ARMC2: variants seen among roughly 807,000 people sequenced by gnomAD.
The protein encoded by ARMC2 is armadillo repeat-containing protein 2.
Under a neutral mutation model 90.3 loss-of-function variants are expected in ARMC2, and 67 were observed. That is an observed-to-expected ratio of 0.74 (90% CI 0.61 to 0.91). The LOEUF is 0.91. Among genes scored for constraint, ARMC2 ranks in the 40% least tolerant of loss-of-function variants. The pLI is 0.00. For missense variants in ARMC2, 920 were observed against 1,030.9 expected, an observed-to-expected ratio of 0.89 and a Z score of 1.47; for synonymous variants, 393 against 393.0, an observed-to-expected ratio of 1.00 and a Z score of 0.00.
At chr6:108,957,027 A>G (rs1162926871) in intron 13 of ARMC2, among the ~76,000 whole-genome samples, 1 of 152,196 alleles carries the variant, frequency 6.6e-6, no homozygotes, top group Non-Finnish European at 1.5e-5. Context: ...CAGGTGGTCA[A>G]GGGCCTCCCT....
the ARMC2 span, chr6:108,986,501 A>C: frequency 6.6e-6 from 1 of 152,670 alleles, no homozygotes; most frequent in African/African-American, 2.4e-5. Flanking sequence ...TTCAAAAGCA[A>C]TTCACGCTTC....
At chr6:108,927,988 C>T in intron 10 of ARMC2, 100 bp from the exon 11 acceptor site, 1 of 1,230,002 alleles carries the variant, frequency 8.1e-7, no homozygotes, top group Non-Finnish European at 1.1e-6. Context: ...TGCTTAGCTA[C>T]TGATATAAGG....
At chr6:108,916,998 C>A (rs969886749) in intron 10 of ARMC2, among the ~76,000 whole-genome samples, 1 of 152,160 alleles carries the variant, frequency 6.6e-6, no homozygotes, top group Admixed American at 6.5e-5. Flanking sequence ...AATGTACTTA[C>A]ATTAACAGCT....
At chr6:108,857,114 A>G (rs1774711182) in intron 2 of ARMC2, among the ~76,000 whole-genome samples, 3 of 152,224 alleles carry the variant, frequency 2.0e-5, no homozygotes, top group Admixed American at 2.0e-4. Flanking sequence ...ATGACTTGCC[A>G]GGATTTTGAC....
intron 8 of ARMC2, among the ~76,000 whole-genome samples, chr6:108,910,360 G>T (rs992373003): frequency 1.3e-5 from 2 of 152,188 alleles, no homozygotes; most frequent in Admixed American, 1.3e-4. Flanking sequence ...GGCGGCTGAG[G>T]CAAGAGAGTT....
intron 8 of ARMC2, 71 bp downstream of exon 8, chr6:108,904,476 A>T: frequency 7.4e-7 from 1 of 1,355,764 alleles, no homozygotes. Flanking sequence ...TTATTTTTAA[A>T]TATTACAAAG....
the ARMC2 span, among the ~76,000 whole-genome samples, chr6:109,008,387 T>C: frequency 1.3e-5 from 2 of 152,248 alleles, no homozygotes; most frequent in Admixed American, 1.3e-4. Flanking sequence ...TTTTTAAAGA[T>C]TGTTTTATTA....
At chr6:108,856,111 A>G (rs931591953) in intron 2 of ARMC2, among the ~76,000 whole-genome samples, 1 of 152,180 alleles carries the variant, frequency 6.6e-6, no homozygotes, top group Non-Finnish European at 1.5e-5. Context: ...GGTGTTGTAT[A>G]TTAAAAGTCA....
intron 1 of ARMC2, among the ~76,000 whole-genome samples, chr6:108,852,119 G>A (rs1006370235): frequency 2.0e-5 from 3 of 152,148 alleles, no homozygotes; most frequent in Non-Finnish European, 4.4e-5. Flanking sequence ...AAGTAGATAA[G>A]CTTTCAGGTC....
the ARMC2 span, among the ~76,000 whole-genome samples, chr6:109,034,241 A>G: frequency 6.6e-6 from 1 of 152,182 alleles, no homozygotes; most frequent in Non-Finnish European, 1.5e-5. Flanking sequence ...GGACTTGAAT[A>G]ATATGTATTT....
chr6:108,905,939 A>G (rs1772640106), intron 8 of ARMC2, among the ~76,000 whole-genome samples: 1 of 152,190 alleles, frequency 6.6e-6, no homozygotes, highest in Non-Finnish European at 1.5e-5. Context: ...AACATTCCAG[A>G]CAAGATCTTG....
intron 6 of ARMC2, among the ~76,000 whole-genome samples, chr6:108,897,723 T>C (rs1771740006): frequency 6.6e-6 from 1 of 152,126 alleles, no homozygotes; most frequent in South Asian, 2.1e-4. Context: ...CATTTGATGG[T>C]TTGAGGATTC....
intron 17 of ARMC2, among the ~76,000 whole-genome samples, chr6:108,966,747 G>A (rs1703944394): frequency 6.6e-6 from 1 of 152,078 alleles, no homozygotes. Flanking sequence ...TGGTGGTAGA[G>A]CATTGAAATC....
intron 2 of ARMC2, among the ~76,000 whole-genome samples, chr6:108,857,288 TTAGATTTATAACTAAA>T (rs2128417676): frequency 6.6e-6 from 1 of 152,332 alleles, no homozygotes; most frequent in African/African-American, 2.4e-5. Flanking sequence ...CCATATCTTG[TTAGATTTATAACTAAA>T]TATTTAGTTT....
At chr6:108,969,233 T>C (rs1778588797) in intron 17 of ARMC2, among the ~76,000 whole-genome samples, 3 of 152,218 alleles carry the variant, frequency 2.0e-5, no homozygotes, top group Non-Finnish European at 2.9e-5. Context: ...TTCTAGAACA[T>C]TCGACAACTT....
At position 108,879,868 on chromosome 6, in the gene ARMC2, T is replaced by C; in HGVS notation, c.671+3518T>C. 6.5e-6 allele frequency: 3 copies of C among 461,600 alleles called. No homozygotes were observed. The Admixed American group carries it at 7.5e-5, about 12-fold the overall frequency. The allele number at this position is 461,600 out of a possible 1,614,324, so 28.6% of individuals were successfully genotyped here. On this transcript the variant is annotated intron_variant, in intron 5 of 17. Transcript: ENST00000392644. ...CAAGTATCTTAACACTTTCAGGGGCTCAGTTTTCTAATGTATAAAATGGAA... is the reference window on the plus strand; with the variant it reads ...CAAGTATCTTAACACTTTCAGGGGCCCAGTTTTCTAATGTATAAAATGGAA...
At chr6:109,003,385 G>C in the ARMC2 span, among the ~76,000 whole-genome samples, 1 of 151,178 alleles carries the variant, frequency 6.6e-6, no homozygotes, top group South Asian at 2.1e-4. Flanking sequence ...GGTGGGGGTG[G>C]GTGCACAGAG....
chr6:108,882,364 G>A (rs919160652), intron 5 of ARMC2, among the ~76,000 whole-genome samples: 11 of 151,616 alleles, frequency 7.3e-5, no homozygotes, highest in Middle Eastern at 6.9e-3. Context: ...GCGTGAACCC[G>A]GGAGGCAGAG....
intron 8 of ARMC2, chr6:108,907,887 G>A: frequency 2.5e-6 from 4 of 1,603,144 alleles, no homozygotes; most frequent in Non-Finnish European, 3.4e-6. Context: ...GAGTCCTGGT[G>A]TCCGCTGTGT....
Sources: allele counts gnomAD v4.1 joint callset (sites outside exome capture counted in the v4.1 genomes callset), GRCh38; gene constraint gnomAD v4.1.1; transcripts MANE v1.5; gene names NCBI Gene and HGNC (gene_info 2026-07-23, HGNC 2026-07-21).